Variants in EPAS1 observed in about 807,000 individuals in gnomAD.
The protein encoded by EPAS1 is endothelial PAS domain-containing protein 1.
EPAS1 carries 23 observed loss-of-function variants against 87.9 expected under a neutral mutation model. The observed-to-expected ratio is 0.26, with a 90% CI of 0.19 to 0.37. EPAS1 has a LOEUF of 0.37. Among genes scored for constraint, EPAS1 ranks in the 10% least tolerant of loss-of-function variants. The pLI is 1.00. For missense variants in EPAS1, 1,138 were observed against 1,120.7 expected, an observed-to-expected ratio of 1.02 and a Z score of -0.22; for synonymous variants, 508 against 444.3, an observed-to-expected ratio of 1.14 and a Z score of -1.80.
intron 1 of EPAS1, among the ~76,000 whole-genome samples, chr2:46,340,257 AG>A (rs894668685): frequency 1.1e-4 from 16 of 152,148 alleles, no homozygotes; most frequent in African/African-American, 3.1e-4. Flanking sequence ...AGTCAACCCA[AG>A]CAGAATTGAC....
chr2:46,379,532 T>C (rs903822543), intron 11 of EPAS1, among the ~76,000 whole-genome samples: 6 of 152,176 alleles, frequency 3.9e-5, no homozygotes, highest in Admixed American at 3.3e-4. Flanking sequence ...CTGCTTCTGC[T>C]CCTTAAAGAT....
chr2:46,332,312 G>T (rs796494262), intron 1 of EPAS1, among the ~76,000 whole-genome samples: 2 of 140,178 alleles, frequency 1.4e-5, no homozygotes, highest in African/African-American at 5.2e-5. Context: ...GTGTGTGTGT[G>T]TGTGTGTGTG....
chr2:46,343,684 A>AC (rs1159748637), intron 1 of EPAS1, among the ~76,000 whole-genome samples: 1 of 152,356 alleles, frequency 6.6e-6, no homozygotes, highest in East Asian at 1.9e-4. Flanking sequence ...TGACTTTTGA[A>AC]CCAAGAGGCT....
intron 1 of EPAS1, among the ~76,000 whole-genome samples, chr2:46,330,618 T>G (rs138922353): frequency 6.6e-6 from 1 of 152,316 alleles, no homozygotes; most frequent in Non-Finnish European, 1.5e-5. Flanking sequence ...TCTTGTAATA[T>G]CCACACAATC....
chr2:46,374,629 A>G (rs1409518554), intron 7 of EPAS1, among the ~76,000 whole-genome samples: 1 of 152,202 alleles, frequency 6.6e-6, no homozygotes, highest in African/African-American at 2.4e-5. Flanking sequence ...AGATTTCCCG[A>G]TCCTCCCTCC....
In EPAS1 at chr2:46,297,738, C is replaced by G. The variant is rs1196895709; in HGVS notation, c.-174C>G. 7 of 774,118 alleles carry G rather than the reference C, an allele frequency of 9.0e-6. No individual in the cohort carries two copies. Among genetic ancestry groups the G allele is most frequent in the Non-Finnish European group, 1.4e-5 (7 of 486,368 alleles). 48.0% of individuals were successfully genotyped at this position (774,118 alleles called of 1,614,324 possible). ...CCTTTCTCCACCCCCGCCCCCGCAC[C>G]TAGCCCGCCGCGCGCCACCTTCCAC... On this transcript the variant is annotated 5_prime_UTR_variant, in exon 1 of 16. Transcript: ENST00000263734.
chr2:46,316,559 C>A (rs1285936930), intron 1 of EPAS1, among the ~76,000 whole-genome samples: 1 of 152,182 alleles, frequency 6.6e-6, no homozygotes, highest in Non-Finnish European at 1.5e-5. Context: ...CCGCACCTGG[C>A]CAACAATGTC....
chr2:46,337,220 GA>G (rs927950259), intron 1 of EPAS1, among the ~76,000 whole-genome samples: 23 of 152,318 alleles, frequency 1.5e-4, no homozygotes, highest in Admixed American at 1.4e-3. Context: ...TAGTTAGGGA[GA>G]CAGAAGCCAC....
chr2:46,366,070 G>A (rs1229987601), intron 6 of EPAS1, among the ~76,000 whole-genome samples: 1 of 150,520 alleles, frequency 6.6e-6, no homozygotes, highest in African/African-American at 2.4e-5. Context: ...GGTAAAAACT[G>A]CAGCCAGATC....
chr2:46,357,619 G>A (rs574161112), intron 4 of EPAS1, among the ~76,000 whole-genome samples: 4 of 152,310 alleles, frequency 2.6e-5, no homozygotes, highest in African/African-American at 9.6e-5. Flanking sequence ...ATTGTGGGAG[G>A]AAACTACACG....
chr2:46,380,651 A>G lies in EPAS1; in HGVS notation c.1979A>G (p.Glu660Gly). Residue 660 changes from glutamate to glycine, a missense_variant, in exon 12 of 16, where the codon GAG becomes GGG. Around this residue, in one of 4 missense-constraint regions of EPAS1, gnomAD observed 502 missense variants for 427.1 expected, o/e 1.18. Transcript: ENST00000263734. The surrounding 1 kb of genome is among the most constrained non-coding windows in gnomAD (Gnocchi z 4.4). ...TKWAVGDQRT[E>G]FLGAAPLGPP... Reference sequence around the variant, plus strand: ...TGGGCCGTCGGGGATCAGCGCACAGAGTTCTTGGGAGCAGCGCCGTTGGGG... The same window carrying G: ...TGGGCCGTCGGGGATCAGCGCACAGGGTTCTTGGGAGCAGCGCCGTTGGGG... The G allele has an allele frequency of 6.2e-7, 1 of 1,614,010 alleles. No homozygotes were observed. Among genetic ancestry groups the G allele is most frequent in the East Asian group, 2.2e-5 (1 of 44,876 alleles).
At chr2:46,344,706 G>A (rs1683985673) in intron 1 of EPAS1, among the ~76,000 whole-genome samples, 1 of 152,134 alleles carries the variant, frequency 6.6e-6, no homozygotes, top group East Asian at 1.9e-4. Context: ...CCTGAAGGTT[G>A]GAAGTCAGGG....
At chr2:46,333,202 C>T (rs1683722793) in intron 1 of EPAS1, among the ~76,000 whole-genome samples, 1 of 152,174 alleles carries the variant, frequency 6.6e-6, no homozygotes, top group Admixed American at 6.5e-5. Flanking sequence ...GCAATACCCC[C>T]ACAGCTGGGG....
intron 9 of EPAS1, among the ~76,000 whole-genome samples, chr2:46,376,955 C>G (rs929113361): frequency 7.9e-5 from 12 of 152,176 alleles, no homozygotes; most frequent in African/African-American, 2.7e-4. Flanking sequence ...AAGACCATCC[C>G]ATATCCGACC....
intron 1 of EPAS1, among the ~76,000 whole-genome samples, chr2:46,332,707 T>C (rs1210261586): frequency 6.6e-6 from 1 of 152,226 alleles, no homozygotes; most frequent in African/African-American, 2.4e-5. Context: ...CCCCTGGGGC[T>C]TGGCCCATTT....
chr2:46,350,620 A>C (rs1314561787), intron 2 of EPAS1, among the ~76,000 whole-genome samples: 1 of 152,244 alleles, frequency 6.6e-6, no homozygotes, highest in Non-Finnish European at 1.5e-5. Flanking sequence ...ATTGTCCTAA[A>C]TCCTCTTTCA....
chr2:46,321,769 T>C (rs950916466), intron 1 of EPAS1, among the ~76,000 whole-genome samples: 1 of 143,124 alleles, frequency 7.0e-6, no homozygotes, highest in African/African-American at 2.5e-5. Flanking sequence ...AAACAAAGAC[T>C]ATCAACATAA....
chr2:46,344,886 G>C (rs1163251858), intron 1 of EPAS1, among the ~76,000 whole-genome samples: 1 of 152,210 alleles, frequency 6.6e-6, no homozygotes, highest in Admixed American at 6.5e-5. Context: ...CACGGAGCTG[G>C]ATAGTCTGTC....
chr2:46,382,045 G>A lies in EPAS1; in HGVS notation c.2243G>A (p.Cys748Tyr). The stretch of plus-strand genomic sequence containing the variant: ...ATGAAGAACCTCAGGGGTGGGAGCT[G>A]CCCTTTGATGCCGGACAAGCCACTG... ...KRMKNLRGGS[C>Y]PLMPDKPLSA... The change falls in exon 14 of 16, where the codon TGC becomes TAC. Residue 748 changes from cysteine to tyrosine, a missense_variant. Physicochemically the swap from Cys to Tyr is radical, Grantham distance 194. Transcript: ENST00000263734. 6.2e-7 allele frequency: 1 copy of A among 1,613,744 alleles called. No individual in the cohort carries two copies. Among genetic ancestry groups the A allele is most frequent in the Non-Finnish European group, 8.5e-7 (1 of 1,179,980 alleles).
Sources: gnomAD v4.1 joint callset for allele counts (sites outside exome capture counted in the v4.1 genomes callset) on GRCh38, gnomAD v4.1.1 for gene constraint, gnomAD v4.1.1 regional missense constraint, Gnocchi (gnomAD v3.1) non-coding constraint, MANE v1.5 for transcripts, NCBI Gene and HGNC (gene_info 2026-07-23, HGNC 2026-07-21) for gene names.